The following SYT2 variants were observed in gnomAD, a reference collection of about 807,000 sequenced individuals.
SYT2 encodes the protein synaptotagmin 2.
In SYT2, 15 loss-of-function variants were observed where a neutral mutation model predicts 39.9. That is an observed-to-expected ratio of 0.38 (90% confidence interval 0.25 to 0.58). The LOEUF (loss-of-function observed/expected upper bound fraction) is 0.58. Ranked by LOEUF, SYT2 falls within the 20% of genes least tolerant of loss-of-function variation. The pLI is 0.70. For missense variants in SYT2, 389 were observed against 530.3 expected, an observed-to-expected ratio of 0.73 and a Z score of 2.62; for synonymous variants, 181 against 204.5, an observed-to-expected ratio of 0.89 and a Z score of 0.98.
chr1:202,626,397 G>GTTTTTTTTTTTTTTTTTTTTTTT, intron 1 of SYT2, among the ~76,000 whole-genome samples: 1 of 102,432 alleles, frequency 9.8e-6, no homozygotes, highest in East Asian at 3.4e-4. Context: ...CAGCCTCTCA[G>GTTTTTTTTTTTTTTTTTTTTTTT]CTTTTTTTTT....
intron 1 of SYT2, among the ~76,000 whole-genome samples, chr1:202,708,256 TC>T (rs1654301132): frequency 6.6e-6 from 1 of 151,914 alleles, no homozygotes; most frequent in Non-Finnish European, 1.5e-5. Flanking sequence ...AAACCCAAGT[TC>T]CCTGGACCAA....
chr1:202,626,277 C>T (rs554902340), intron 1 of SYT2, among the ~76,000 whole-genome samples: 2 of 152,128 alleles, frequency 1.3e-5, no homozygotes, highest in Non-Finnish European at 2.9e-5. Context: ...TTGCCAGACC[C>T]TCTGTCTCCA....
At chr1:202,670,375 A>AGGT (rs2149108947) in intron 1 of SYT2, among the ~76,000 whole-genome samples, 1 of 152,296 alleles carries the variant, frequency 6.6e-6, no homozygotes, top group East Asian at 1.9e-4. Context: ...CTGCATTGCT[A>AGGT]AATTTCCTTT....
intron 4 of SYT2, 32 bp downstream of exon 4, chr1:202,602,966 TC>T: frequency 7.1e-7 from 1 of 1,408,044 alleles, no homozygotes. Context: ...CTCTCCCCAT[TC>T]CCCCACTCTG....
intron 1 of SYT2, among the ~76,000 whole-genome samples, chr1:202,701,373 G>T (rs1344351968): frequency 6.6e-6 from 1 of 152,202 alleles, no homozygotes. Flanking sequence ...GATGGGCACT[G>T]TTCAGTTGCT....
intron 1 of SYT2, among the ~76,000 whole-genome samples, chr1:202,627,029 T>C (rs1691437256): frequency 6.6e-6 from 1 of 152,184 alleles, no homozygotes. Context: ...AGGACAGACC[T>C]TGTGTTACCC....
chr1:202,675,945 G>GT (rs1318934238), intron 1 of SYT2, among the ~76,000 whole-genome samples: 2 of 152,184 alleles, frequency 1.3e-5, no homozygotes, highest in Non-Finnish European at 2.9e-5. Context: ...CTCACAGCCA[G>GT]TTTAGGCAGG....
At chr1:202,697,877 T>C (rs1299496039) in intron 1 of SYT2, among the ~76,000 whole-genome samples, 1 of 152,178 alleles carries the variant, frequency 6.6e-6, no homozygotes, top group Non-Finnish European at 1.5e-5. Context: ...AAGAAAACCC[T>C]ACCCTAGGAA....
At chr1:202,705,234 C>A (rs1268791798) in intron 1 of SYT2, among the ~76,000 whole-genome samples, 1 of 152,238 alleles carries the variant, frequency 6.6e-6, no homozygotes, top group African/African-American at 2.4e-5. Context: ...AACCACACAA[C>A]TTCTCTGGGC....
At position 202,601,255 on chromosome 1, in the gene SYT2, G is replaced by A. The variant is rs1294806416; in HGVS notation, c.801+635C>T. Among the ~76,000 whole-genome samples the A allele has an allele frequency of 2.0e-5, 3 of 152,164 alleles. No homozygotes were observed. The highest frequency in any genetic ancestry group is 2.9e-5 in the Non-Finnish European group (2 of 68,038). On this transcript the variant is annotated intron_variant, in intron 6 of 8. Transcript: ENST00000367268. This position sits in a 1 kb window ranked among gnomAD's most constrained non-coding sequence, Gnocchi z 4.0. ...ACGACATCACACAGGTCCTGGTTCA[G>A]GTGTGCTGGCCTTCCTCCCAGGCAC...
At chr1:202,625,428 A>G (rs371553776) in intron 1 of SYT2, among the ~76,000 whole-genome samples, 1 of 15,172 alleles carries the variant, frequency 6.6e-5, no homozygotes, top group African/African-American at 2.7e-4. Flanking sequence ...GTGGACTGGG[A>G]GTGTAAGGGG....
chr1:202,666,379 T>TC (rs1185991219), intron 1 of SYT2, among the ~76,000 whole-genome samples: 1 of 152,042 alleles, frequency 6.6e-6, no homozygotes, highest in Non-Finnish European at 1.5e-5. Context: ...AACCAGGAAA[T>TC]CAGGACAGAC....
chr1:202,646,136 C>T (rs1354224540), intron 1 of SYT2, among the ~76,000 whole-genome samples: 1 of 152,152 alleles, frequency 6.6e-6, no homozygotes, highest in Non-Finnish European at 1.5e-5. Context: ...CCAGGTGCTC[C>T]TTAGGTCCTG....
chr1:202,707,368 T>C (rs1241600727), intron 1 of SYT2, among the ~76,000 whole-genome samples: 1 of 152,160 alleles, frequency 6.6e-6, no homozygotes, highest in African/African-American at 2.4e-5. Context: ...ATTTAACCAC[T>C]GCACTGAGTG....
At chr1:202,642,048 A>ATCCT (rs1323598059) in intron 1 of SYT2, among the ~76,000 whole-genome samples, 5 of 152,110 alleles carry the variant, frequency 3.3e-5, no homozygotes, top group African/African-American at 1.2e-4. Context: ...CCCCACCCCC[A>ATCCT]TCCTTTCAGT....
chr1:202,683,672 G>A (rs1029832415), intron 1 of SYT2, among the ~76,000 whole-genome samples: 3 of 150,402 alleles, frequency 2.0e-5, no homozygotes, highest in African/African-American at 7.4e-5. Flanking sequence ...GCTGAAGGAG[G>A]TCAAGACTTC....
At chr1:202,662,874 A>G (rs1692409595) in intron 1 of SYT2, among the ~76,000 whole-genome samples, 1 of 152,196 alleles carries the variant, frequency 6.6e-6, no homozygotes. Flanking sequence ...ATAGATTTGC[A>G]AAGTCCCAGG....
intron 1 of SYT2, among the ~76,000 whole-genome samples, chr1:202,645,590 A>G (rs938213848): frequency 2.6e-5 from 4 of 152,246 alleles, no homozygotes; most frequent in Non-Finnish European, 5.9e-5. Flanking sequence ...AAATGGACCA[A>G]GAGACGCCTG....
chr1:202,708,766 C>T (rs1210819022), intron 1 of SYT2, among the ~76,000 whole-genome samples: 1 of 152,234 alleles, frequency 6.6e-6, no homozygotes, highest in Non-Finnish European at 1.5e-5. Context: ...CAGAGCCACC[C>T]TGCCCCCTTC....
Sources: allele counts gnomAD v4.1 joint callset (sites outside exome capture counted in the v4.1 genomes callset), GRCh38; gene constraint gnomAD v4.1.1; non-coding constraint Gnocchi (gnomAD v3.1); transcripts MANE v1.5; gene names NCBI Gene and HGNC (gene_info 2026-07-23, HGNC 2026-07-21).